SBNO1: variants seen among roughly 807,000 people sequenced by gnomAD.
The protein encoded by SBNO1 is strawberry notch homolog 1.
A neutral mutation model predicts 173.6 loss-of-function variants in SBNO1; 23 were observed. The ratio of observed to expected loss-of-function variants is 0.13; its 90% CI spans 0.10 to 0.19. SBNO1 has a LOEUF of 0.19. SBNO1 is among the 10% of genes least tolerant of loss of function. The probability of loss-of-function intolerance (pLI) is 1.00; values close to 1 mark genes in which losing one functional copy is unlikely to be tolerated. For synonymous variants in SBNO1, 632 were observed against 571.5 expected, an observed-to-expected ratio of 1.11 and a Z score of -1.51; for missense variants, 1,238 against 1,671.2, an observed-to-expected ratio of 0.74 and a Z score of 4.52.
intron 30 of SBNO1, among the ~76,000 whole-genome samples, chr12:123,300,530 T>C (rs1593321369): frequency 1.3e-5 from 2 of 151,924 alleles, no homozygotes; most frequent in Non-Finnish European, 2.9e-5. Context: ...GGTTGGCGGG[T>C]GCCTGTAGTC....
intron 1 of SBNO1, among the ~76,000 whole-genome samples, chr12:123,362,417 C>A (rs1355789965): frequency 9.1e-6 from 1 of 109,502 alleles, no homozygotes; most frequent in Non-Finnish European, 1.7e-5. Flanking sequence ...GCCTGGGCCA[C>A]TGAGCGAGAC....
chr12:123,345,111 TTG>T lies in SBNO1; in HGVS notation c.550+145_550+146del. The T allele has an allele frequency of 9.1e-6, 6 of 662,712 alleles. No individual in the cohort carries two copies. In the South Asian group the frequency reaches 1.0e-4, roughly 11 times the overall value. The allele number at this position is 662,712 out of a possible 1,614,324, so 41.1% of individuals were successfully genotyped here. A position where few individuals can be genotyped will look rare whatever the true frequency, so the allele number is the denominator to read the frequency against. ...CATCTAAACTTTTGCTTCCCTTGAA[TTG>T]TGTTAAAGACTGTAAGTACGCAAAA... On this transcript the variant is annotated intron_variant, in intron 4 of 31. Coordinates refer to ENST00000602398, the MANE Select transcript of SBNO1 (RefSeq NM_001167856.3).
At chr12:123,349,907 C>T (rs1009438914) in intron 2 of SBNO1, among the ~76,000 whole-genome samples, 5 of 148,614 alleles carry the variant, frequency 3.4e-5, no homozygotes, top group East Asian at 4.0e-4. Context: ...AGCAAGACTC[C>T]GTCTCAGAAA....
At chr12:123,334,601 A>G (rs1871612234) in intron 6 of SBNO1, among the ~76,000 whole-genome samples, 1 of 152,148 alleles carries the variant, frequency 6.6e-6, no homozygotes, top group Non-Finnish European at 1.5e-5. Context: ...CCAGCTACTC[A>G]GGAGGCTGAG....
intron 1 of SBNO1, among the ~76,000 whole-genome samples, chr12:123,357,903 A>C (rs1399305796): frequency 1.3e-5 from 2 of 152,244 alleles, no homozygotes; most frequent in African/African-American, 4.8e-5. Flanking sequence ...ATACAAAGCC[A>C]CAAAAGTCCT....
intron 20 of SBNO1, 82 bp from the exon 21 acceptor site, chr12:123,317,438 C>T (rs1869416170): frequency 8.3e-7 from 1 of 1,199,430 alleles, no homozygotes; most frequent in Non-Finnish European, 1.2e-6. Context: ...CTTCAGCAGA[C>T]TGCCTATTCT....
At chr12:123,311,748 A>AT (rs148426880) in intron 24 of SBNO1, among the ~76,000 whole-genome samples, 4 of 134,412 alleles carry the variant, frequency 3.0e-5, no homozygotes, top group Non-Finnish European at 3.2e-5. Flanking sequence ...ATATATATAT[A>AT]TTTTTGCGAC....
chr12:123,315,356 T>C lies in SBNO1; in HGVS notation c.3120+17A>G. 6.3e-7 allele frequency: 1 copy of C among 1,589,074 alleles called. No homozygotes were observed. Among genetic ancestry groups the C allele is most frequent in the Non-Finnish European group, 8.6e-7 (1 of 1,158,128 alleles). ...CACTATCACAAGTTTTCAGAGATAC[T>C]GAAAATTGAAATGTACCTTATTATC... On this transcript the variant is annotated intron_variant, in intron 23 of 31. Coordinates refer to ENST00000602398, the MANE Select transcript of SBNO1 (RefSeq NM_001167856.3).
intron 8 of SBNO1, among the ~76,000 whole-genome samples, chr12:123,330,713 A>C (rs1019649629): frequency 1.3e-5 from 2 of 151,932 alleles, no homozygotes; most frequent in African/African-American, 2.4e-5. Flanking sequence ...AGGCAGGAGG[A>C]CTGCTTGAGC....
intron 9 of SBNO1, among the ~76,000 whole-genome samples, chr12:123,329,948 T>C (rs990559544): frequency 1.3e-5 from 2 of 152,196 alleles, no homozygotes; most frequent in African/African-American, 4.8e-5. Flanking sequence ...ATTGTTTTCA[T>C]GTGAGCAGAG....
At chr12:123,337,794 C>G (rs1434434487) in intron 5 of SBNO1, among the ~76,000 whole-genome samples, 1 of 152,234 alleles carries the variant, frequency 6.6e-6, no homozygotes, top group East Asian at 1.9e-4. Context: ...CCACCCCCAC[C>G]GTCTAACCCT....
intron 15 of SBNO1, 119 bp from the exon 16 acceptor site, chr12:123,323,950 T>G: frequency 1.4e-6 from 1 of 733,160 alleles, no homozygotes; most frequent in Non-Finnish European, 1.9e-6. Flanking sequence ...ATAAACGAGC[T>G]CAAATAAATT....
intron 1 of SBNO1, among the ~76,000 whole-genome samples, chr12:123,354,116 G>A (rs986428543): frequency 2.6e-5 from 4 of 152,118 alleles, no homozygotes; most frequent in African/African-American, 9.7e-5. Context: ...ATTTTACTGA[G>A]AAACTTTTTG....
At chr12:123,341,921 A>T (rs1872610160) in intron 4 of SBNO1, among the ~76,000 whole-genome samples, 1 of 152,120 alleles carries the variant, frequency 6.6e-6, no homozygotes, top group African/African-American at 2.4e-5. Context: ...AACAACTCAA[A>T]AGGAACGTGT....
intron 5 of SBNO1, among the ~76,000 whole-genome samples, chr12:123,338,695 CAAAAT>C (rs1373199040): frequency 2.0e-5 from 3 of 151,808 alleles, no homozygotes; most frequent in Non-Finnish European, 4.4e-5. Flanking sequence ...AATAAATAAA[CAAAAT>C]AAAAGAAACA....
intron 8 of SBNO1, 57 bp downstream of exon 8, chr12:123,331,185 A>G (rs1871173638): frequency 6.4e-7 from 1 of 1,574,092 alleles, no homozygotes; most frequent in Non-Finnish European, 8.7e-7. Context: ...GATGGTCTCG[A>G]TCTCCTAACC....
intron 7 of SBNO1, 82 bp from the exon 8 acceptor site, chr12:123,331,457 G>T: frequency 1.7e-6 from 2 of 1,157,794 alleles, no homozygotes; most frequent in East Asian, 2.5e-5. Context: ...TTAGGAGTAG[G>T]AATATGTTAT....
rs1249608258 is a variant in SBNO1 at position 123,326,263 on chromosome 12, G to A, written c.1764C>T (p.Ser588=). The A allele has an allele frequency of 6.2e-7, 1 of 1,612,984 alleles. No homozygotes were observed. The highest frequency in any genetic ancestry group is 1.1e-5 in the South Asian group (1 of 90,910). ...GAGCAGACCAGAACTGACCCCACAT[G>A]GACTTCTTCATTCGTTGCTCAGCAT... ...LIDAEQRMKK[S]MWGQFWSAHQ... is the part of the protein sequence containing the mutation. Residue 588 remains serine, a synonymous_variant, in exon 14 of 32, where the codon TCC becomes TCT. Transcript: ENST00000602398.
At chr12:123,346,260 A>T (rs996769399) in intron 3 of SBNO1, among the ~76,000 whole-genome samples, 5 of 152,132 alleles carry the variant, frequency 3.3e-5, no homozygotes, top group African/African-American at 1.2e-4. Flanking sequence ...TCCCCAAAAG[A>T]CTAGTAACAG....
Sources: allele counts gnomAD v4.1 joint callset (sites outside exome capture counted in the v4.1 genomes callset), GRCh38; gene constraint gnomAD v4.1.1; transcripts MANE v1.5; gene names NCBI Gene and HGNC (gene_info 2026-07-23, HGNC 2026-07-21).